The following ARID1A variants were observed in gnomAD, a reference collection of about 807,000 sequenced individuals.
ARID1A encodes AT-rich interaction domain 1A, also known as AT-rich interactive domain-containing protein 1A.
In ARID1A, 20 loss-of-function variants were observed where a neutral mutation model predicts 212.6. The ratio of observed to expected loss-of-function variants is 0.09; its 90% CI spans 0.07 to 0.14. The LOEUF (loss-of-function observed/expected upper bound fraction) is 0.14, where lower values mean the gene tolerates loss of function less well. Ranked by LOEUF, ARID1A falls within the 10% of genes least tolerant of loss-of-function variation. The pLI is 1.00. For missense variants in ARID1A, 2,587 were observed against 3,059.0 expected (o/e 0.85, Z 3.64); for synonymous variants, 1,376 against 1,222.1 (o/e 1.13, Z -2.63).
At chr1:26,748,346 TC>T (rs568714133) in intron 4 of ARID1A, among the ~76,000 whole-genome samples, 88 of 152,292 alleles carry the variant, frequency 5.8e-4, no homozygotes, top group African/African-American at 2.1e-3. Flanking sequence ...CTTTCTGTGT[TC>T]CTTTCCTCTC....
At chr1:26,766,121 A>G in intron 8 of ARID1A, 100 bp from the exon 9 acceptor site, 1 of 1,366,150 alleles carries the variant, frequency 7.3e-7, no homozygotes, top group Non-Finnish European at 1.0e-6. Flanking sequence ...TTTCCTTTTA[A>G]TCCTTACTAG....
rs1167939657 is a variant in ARID1A at position 26,775,560 on chromosome 1, A to T, written c.4994-17A>T. The T allele has an allele frequency of 1.9e-6, 3 of 1,613,636 alleles. No individual in the cohort carries two copies. Among genetic ancestry groups the T allele is most frequent in the Non-Finnish European group, 2.5e-6 (3 of 1,179,922 alleles). On this transcript the variant is annotated splice_polypyrimidine_tract_variant and intron_variant, in intron 18 of 19. Transcript: ENST00000324856. ...AACCTGGGCTTGGTGGATAGACGACATGGAGGTTTATTTCAGGAACCCCGG... is the reference window on the plus strand; with the variant it reads ...AACCTGGGCTTGGTGGATAGACGACTTGGAGGTTTATTTCAGGAACCCCGG...
chr1:26,772,669 G>A (rs2124105316), intron 13 of ARID1A, 37 bp downstream of exon 13: 1 of 1,614,112 alleles, frequency 6.2e-7, no homozygotes, highest in African/African-American at 1.3e-5. Context: ...TTGGGAGGAT[G>A]GCTGAAGATA....
In ARID1A at chr1:26,772,990, G is replaced by T. The variant is rs552902380; in HGVS notation, c.3715+3G>T. On this transcript the variant is annotated splice_donor_region_variant and intron_variant, in intron 14 of 19. Coordinates refer to ENST00000324856, the MANE Select transcript of ARID1A (RefSeq NM_006015.6). ...TCCTTATGGCAGCATGAGGAAAGGT[G>T]ACTGATCTGATTGCTATTTGAACTT... 1.2e-6 allele frequency: 2 copies of T among 1,604,180 alleles called. No individual in the cohort carries two copies. The highest frequency in any genetic ancestry group is 2.2e-5 in the South Asian group (2 of 90,400).
intron 11 of ARID1A, chr1:26,769,525 C>T (rs905875990): frequency 2.0e-5 from 3 of 152,216 alleles, no homozygotes; most frequent in African/African-American, 7.2e-5. Context: ...AGATATTTCC[C>T]ACCAAGGCCA....
chr1:26,756,901 A>G (rs2080943697), intron 4 of ARID1A, among the ~76,000 whole-genome samples: 1 of 151,728 alleles, frequency 6.6e-6, no homozygotes, highest in Non-Finnish European at 1.5e-5. Context: ...ACGGGGTTTC[A>G]CCGTGTTAGC....
intron 4 of ARID1A, among the ~76,000 whole-genome samples, chr1:26,743,865 TAGA>T (rs2080811270): frequency 6.6e-6 from 1 of 152,144 alleles, no homozygotes; most frequent in African/African-American, 2.4e-5. Flanking sequence ...CATTTCATGA[TAGA>T]AGGAGAGAGG....
At chr1:26,709,714 C>T (rs1223879179) in intron 1 of ARID1A, among the ~76,000 whole-genome samples, 2 of 148,980 alleles carry the variant, frequency 1.3e-5, no homozygotes, top group Non-Finnish European at 3.0e-5. Flanking sequence ...TGGCTATCCA[C>T]AGGCACAATC....
intron 1 of ARID1A, among the ~76,000 whole-genome samples, chr1:26,707,577 A>G (rs2080405283): frequency 1.3e-5 from 2 of 151,984 alleles, no homozygotes; most frequent in South Asian, 4.2e-4. Context: ...TCCTGACCTC[A>G]GGTGATCCGC....
Position 26,696,265 on chromosome 1 carries a change from G to A in ARID1A, c.-139G>A. On this transcript the variant is annotated 5_prime_UTR_variant, in exon 1 of 20. Coordinates refer to ENST00000324856, the MANE Select transcript of ARID1A (RefSeq NM_006015.6). Reference sequence around the variant, plus strand: ...GGCGGGGGGGAGAGGAGCGAGCGCAGCGCAGCAGCGGAGCCCCGCGAGGCC... The same window carrying A: ...GGCGGGGGGGAGAGGAGCGAGCGCAACGCAGCAGCGGAGCCCCGCGAGGCC... The A allele has an allele frequency of 9.5e-7, 1 of 1,053,462 alleles. No homozygotes were observed. The highest frequency in any genetic ancestry group is 1.2e-6 in the Non-Finnish European group (1 of 840,998). The allele number at this position is 1,053,462 out of a possible 1,614,324, so 65.3% of individuals were successfully genotyped here.
At chr1:26,714,196 T>C (rs2080480023) in intron 1 of ARID1A, among the ~76,000 whole-genome samples, 1 of 152,226 alleles carries the variant, frequency 6.6e-6, no homozygotes, top group South Asian at 2.1e-4. Flanking sequence ...TATGGCCCTG[T>C]ATACTCCTGG....
At chr1:26,762,924 T>G (rs746238200) in intron 7 of ARID1A, 49 bp from the exon 8 acceptor site, 528 of 1,458,926 alleles carry the variant, frequency 3.6e-4, no homozygotes, top group Non-Finnish European at 4.5e-4. Flanking sequence ...GAGATATTAG[T>G]GAGTTGCTAG....
chr1:26,765,547 T>G (rs909376111), intron 8 of ARID1A: 4 of 151,610 alleles, frequency 2.6e-5, no homozygotes, highest in African/African-American at 9.7e-5. Flanking sequence ...CTTAGTATCT[T>G]TCGTGGGAGG....
chr1:26,696,168 C>A lies in ARID1A; in HGVS notation c.-236C>A. ...GCCTACAGAGCCGGGAGCAGCTGAG[C>A]CGCCGGCGCCTCGGCCGCCGCCGCC... is the stretch of plus-strand genomic sequence containing the variant. On this transcript the variant is annotated 5_prime_UTR_variant, in exon 1 of 20. Coordinates refer to ENST00000324856, the MANE Select transcript of ARID1A (RefSeq NM_006015.6). The A allele has an allele frequency of 1.8e-6, 1 of 542,584 alleles. No homozygotes were observed. The highest frequency in any genetic ancestry group is 2.6e-6 in the Non-Finnish European group (1 of 388,508). 33.6% of individuals were successfully genotyped at this position (542,584 alleles called of 1,614,324 possible).
intron 11 of ARID1A, 74 bp downstream of exon 11, chr1:26,768,073 G>A: frequency 1.4e-6 from 2 of 1,454,756 alleles, no homozygotes; most frequent in East Asian, 2.3e-5. Flanking sequence ...CTGGCTTCAT[G>A]TGGTACCATG....
chr1:26,704,420 G>A (rs2080367935), intron 1 of ARID1A, among the ~76,000 whole-genome samples: 1 of 152,176 alleles, frequency 6.6e-6, no homozygotes, highest in Admixed American at 6.5e-5. Flanking sequence ...GTAAGTATCT[G>A]TTGGGACTCT....
chr1:26,765,821 A>G (rs4970484), intron 8 of ARID1A: 141,454 of 157,576 alleles, frequency 0.9, 63,780 homozygotes, highest in East Asian at 1. Context: ...CCGAGATTTC[A>G]CCATTGCACT....
chr1:26,749,193 G>A (rs115772301), intron 4 of ARID1A, among the ~76,000 whole-genome samples: 9,060 of 152,090 alleles, frequency 0.06, 327 homozygotes, highest in Non-Finnish European at 0.08. Flanking sequence ...TAATTCTCTG[G>A]GGTCTGTGGG....
chr1:26,697,388 C>T lies in ARID1A; in HGVS notation c.985C>T (p.Pro329Ser), dbSNP rs1024632998. 15 of 1,322,110 alleles carry T rather than the reference C, an allele frequency of 1.1e-5. No homozygotes were observed. The African/African-American group carries it at 1.7e-4, about 15-fold the overall frequency. The allele number at this position is 1,322,110 out of a possible 1,614,324, so 81.9% of individuals were successfully genotyped here. A position where few individuals can be genotyped will look rare whatever the true frequency, so the allele number is the denominator to read the frequency against. ...GPQDGGAGKGPADMASQCWGA... is the reference protein window; with the variant it reads ...GPQDGGAGKGSADMASQCWGA... ...CCAGGACGGGGGCGCCGGCAAGGGC[C>T]CGGCGGACATGGCCTCGCAGTGTTG... Residue 329 changes from proline (P) to serine (S), a missense_variant, in exon 1 of 20, where the codon CCG becomes TCG. By Grantham distance (74) the Pro-to-Ser change is moderately conservative. Around this residue, in one of 11 missense-constraint regions of ARID1A, gnomAD observed 735 missense variants for 590.6 expected, o/e 1.24. Coordinates refer to ENST00000324856, the MANE Select transcript of ARID1A (RefSeq NM_006015.6).
Sources: gnomAD v4.1 joint callset for allele counts (sites outside exome capture counted in the v4.1 genomes callset) on GRCh38, gnomAD v4.1.1 for gene constraint, gnomAD v4.1.1 regional missense constraint, MANE v1.5 for transcripts, NCBI Gene and HGNC (gene_info 2026-07-23, HGNC 2026-07-21) for gene names.